BANK1: variants seen among roughly 807,000 people sequenced by gnomAD.
BANK1 encodes the protein B cell scaffold protein with ankyrin repeats 1, also known as B-cell scaffold protein with ankyrin repeats.
A neutral mutation model predicts 94.5 loss-of-function variants in BANK1; 95 were observed. The ratio of observed to expected loss-of-function variants is 1.00; its 90% CI spans 0.85 to 1.19. The LOEUF (loss-of-function observed/expected upper bound fraction) is 1.19. Ranked by LOEUF, BANK1 falls within the 50% of genes most tolerant of loss-of-function variation. BANK1 has a pLI of 0.00. For missense variants in BANK1, 987 were observed against 932.2 expected (o/e 1.06, Z -0.77); for synonymous variants, 334 against 308.4 (o/e 1.08, Z -0.87).
At chr4:101,950,851 A>G (rs1040331121) in intron 7 of BANK1, among the ~76,000 whole-genome samples, 1 of 152,182 alleles carries the variant, frequency 6.6e-6, no homozygotes, top group African/African-American at 2.4e-5. Flanking sequence ...TGGCTCCACC[A>G]TTGAGGTCTT....
chr4:101,947,418 C>T lies in BANK1; in HGVS notation c.1206+29229C>T, dbSNP rs1052401932. On this transcript the variant is annotated intron_variant, in intron 7 of 16. Transcript: ENST00000322953. ...TATGAAACCTGGGATGCCCATGAGT[C>T]TAGAAACTCTCATGGGCACCCAAGA... Among the ~76,000 whole-genome samples, 5 of 150,310 alleles carry T rather than the reference C, an allele frequency of 3.3e-5. No individual in the cohort carries two copies. The Admixed American group carries it at 3.3e-4, about 10-fold the overall frequency.
chr4:101,948,548 T>G (rs1452973607), intron 7 of BANK1, among the ~76,000 whole-genome samples: 1 of 152,096 alleles, frequency 6.6e-6, no homozygotes, highest in Non-Finnish European at 1.5e-5. Flanking sequence ...GGAAACTCAG[T>G]CTCTGTGAAT....
chr4:101,987,849 C>G (rs568477341), intron 7 of BANK1, among the ~76,000 whole-genome samples: 5 of 152,208 alleles, frequency 3.3e-5, no homozygotes, highest in Admixed American at 2.6e-4. Flanking sequence ...GGTATGGACA[C>G]CAGGGTTGGT....
At chr4:101,925,475 C>G (rs989769047) in intron 7 of BANK1, among the ~76,000 whole-genome samples, 8 of 151,682 alleles carry the variant, frequency 5.3e-5, no homozygotes, top group Non-Finnish European at 1.0e-4. Flanking sequence ...TCAATACCCA[C>G]AGATAAGGCA....
chr4:102,021,630 C>A, intron 8 of BANK1, 38 bp downstream of exon 8: 3 of 835,314 alleles, frequency 3.6e-6, no homozygotes, highest in South Asian at 2.8e-5. Flanking sequence ...ATGACATATT[C>A]ATATATATAT....
At chr4:101,798,337 TG>T (rs1197886096) in intron 1 of BANK1, among the ~76,000 whole-genome samples, 1 of 152,188 alleles carries the variant, frequency 6.6e-6, no homozygotes, top group East Asian at 1.9e-4. Context: ...TTAAGATCAG[TG>T]TCACGGCAGC....
chr4:101,838,835 C>A (rs2148866743), intron 2 of BANK1, among the ~76,000 whole-genome samples: 1 of 152,318 alleles, frequency 6.6e-6, no homozygotes. Context: ...TCAAGACAGA[C>A]ACTTTAAACT....
intron 10 of BANK1, among the ~76,000 whole-genome samples, chr4:102,030,671 T>C (rs150748599): frequency 0.012 from 1,746 of 149,046 alleles, 30 homozygotes; most frequent in African/African-American, 0.04. Flanking sequence ...CTCCCACTTA[T>C]GAGTGAGAAC....
At chr4:101,996,428 A>G (rs923060319) in intron 7 of BANK1, among the ~76,000 whole-genome samples, 1 of 152,134 alleles carries the variant, frequency 6.6e-6, no homozygotes, top group Non-Finnish European at 1.5e-5. Context: ...TTGATTTCAC[A>G]TGAAATTTAA....
At chr4:101,817,842 T>C (rs1725977246) in intron 1 of BANK1, among the ~76,000 whole-genome samples, 1 of 150,792 alleles carries the variant, frequency 6.6e-6, no homozygotes. Context: ...TTTTTTTTTT[T>C]GCAATTTTTT....
intron 6 of BANK1, among the ~76,000 whole-genome samples, chr4:101,898,590 G>C (rs1337600089): frequency 6.6e-6 from 1 of 151,980 alleles, no homozygotes; most frequent in East Asian, 1.9e-4. Context: ...TATACATTAA[G>C]ATTGACCTAC....
chr4:101,896,327 T>G (rs1297424185), intron 6 of BANK1, among the ~76,000 whole-genome samples: 1 of 151,964 alleles, frequency 6.6e-6, no homozygotes, highest in Non-Finnish European at 1.5e-5. Context: ...AGAAGTCTAA[T>G]GTTGACATAT....
intron 1 of BANK1, among the ~76,000 whole-genome samples, chr4:101,800,259 A>G (rs1335749919): frequency 1.3e-5 from 2 of 151,918 alleles, no homozygotes; most frequent in East Asian, 3.9e-4. Context: ...GTGCACATGT[A>G]CCCTAGAACT....
chr4:101,901,531 G>A (rs1722282037), intron 6 of BANK1, among the ~76,000 whole-genome samples: 1 of 152,142 alleles, frequency 6.6e-6, no homozygotes, highest in Non-Finnish European at 1.5e-5. Context: ...AAGATGCACA[G>A]ATATTGGGAA....
chr4:101,971,504 T>C (rs1724950967), intron 7 of BANK1, among the ~76,000 whole-genome samples: 2 of 152,238 alleles, frequency 1.3e-5, no homozygotes, highest in Middle Eastern at 3.4e-3. Flanking sequence ...CTGTTTAGTT[T>C]GATGTGATTC....
At position 101,830,267 on chromosome 4, in the gene BANK1, G is replaced by C; in HGVS notation, c.469+61G>C. ...TTGTTTTTTTTTTTTTGTAATTAAAGAATTGCAAGTTGTTTTAGAACCAAT... is the reference window on the plus strand; with the variant it reads ...TTGTTTTTTTTTTTTTGTAATTAAACAATTGCAAGTTGTTTTAGAACCAAT... On this transcript the variant is annotated intron_variant, in intron 2 of 16. Coordinates refer to ENST00000322953, the MANE Select transcript of BANK1 (RefSeq NM_017935.5). The C allele has an allele frequency of 2.9e-6, 4 of 1,358,286 alleles. 1 individual carries two copies. Among genetic ancestry groups the C allele is most frequent in the South Asian group, 3.3e-5 (2 of 60,528 alleles). The allele number at this position is 1,358,286 out of a possible 1,614,324, so 84.1% of individuals were successfully genotyped here.
chr4:101,908,115 T>C (rs1051706809), intron 6 of BANK1, among the ~76,000 whole-genome samples: 2 of 152,046 alleles, frequency 1.3e-5, no homozygotes, highest in African/African-American at 2.4e-5. Flanking sequence ...CTAAACCAAA[T>C]GAACAAAGCC....
intron 7 of BANK1, among the ~76,000 whole-genome samples, chr4:102,007,064 AAT>A (rs1183034284): frequency 0.026 from 2,855 of 111,126 alleles, 93 homozygotes; most frequent in African/African-American, 0.091. Context: ...TAAAATATAT[AAT>A]TTTATATATA....
At chr4:101,948,778 A>G (rs1724030286) in intron 7 of BANK1, among the ~76,000 whole-genome samples, 1 of 152,228 alleles carries the variant, frequency 6.6e-6, no homozygotes, top group East Asian at 1.9e-4. Flanking sequence ...AGTAGCTTAA[A>G]GCAAAAATCA....
Sources: allele counts gnomAD v4.1 joint callset (sites outside exome capture counted in the v4.1 genomes callset), GRCh38; gene constraint gnomAD v4.1.1; transcripts MANE v1.5; gene names NCBI Gene and HGNC (gene_info 2026-07-23, HGNC 2026-07-21).